The following RRP1B variants were observed in gnomAD, a reference collection of about 807,000 sequenced individuals.
RRP1B encodes the protein ribosomal RNA processing 1B.
Under a neutral mutation model 80.2 loss-of-function variants are expected in RRP1B, and 56 were observed. That is an observed-to-expected ratio of 0.70 (90% CI 0.56 to 0.87). The LOEUF is 0.87. RRP1B is among the 40% of genes least tolerant of loss of function. RRP1B has a pLI of 0.00. For missense variants in RRP1B, 807 were observed against 939.8 expected, an observed-to-expected ratio of 0.86 and a Z score of 1.85; for synonymous variants, 351 against 357.6, an observed-to-expected ratio of 0.98 and a Z score of 0.21.
In RRP1B at chr21:43,693,125, C is replaced by CT; in HGVS notation, c.2084-64dup. The stretch of plus-strand genomic sequence containing the variant: ...GGTCGGCACCCAGGCAGGACGCTGT[C>CT]TAAGGTGTTGAAGGGACAGCTGTCG... On this transcript the variant is annotated intron_variant, in intron 15 of 15. Coordinates refer to ENST00000340648, the MANE Select transcript of RRP1B (RefSeq NM_015056.3). This position sits in a 1 kb window ranked among gnomAD's most constrained non-coding sequence, Gnocchi z 4.1. 1 of 1,562,140 alleles carries CT rather than the reference C, an allele frequency of 6.4e-7. No homozygotes were observed. The highest frequency in any genetic ancestry group is 8.8e-7 in the Non-Finnish European group (1 of 1,138,958).
Position 43,691,106 on chromosome 21 carries a change from C to G in RRP1B, c.2020-333C>G, listed in dbSNP as rs1477338798. ...TTTTAGGACAGTTCAGGCATCCTCT[C>G]TGTTTGCCTTTCTTCCCTGGATCGT... On this transcript the variant is annotated intron_variant, in intron 14 of 15. Coordinates refer to ENST00000340648, the MANE Select transcript of RRP1B (RefSeq NM_015056.3). This position sits in a 1 kb window ranked among gnomAD's most constrained non-coding sequence, Gnocchi z 4.2. Among the ~76,000 whole-genome samples, 1 of 152,232 alleles carries G rather than the reference C, an allele frequency of 6.6e-6. No individual in the cohort carries two copies. Among genetic ancestry groups the G allele is most frequent in the Admixed American group, 6.5e-5 (1 of 15,282 alleles).
rs768318762 is a variant in RRP1B, at chr21:43,691,334, G to T, written c.2020-105G>T. Reference sequence around the variant, plus strand: ...TATATGTGCCACTCAGTAAGCAGCAGTGTGGGCGGCATACCCTCCAGGGCA... The same window carrying T: ...TATATGTGCCACTCAGTAAGCAGCATTGTGGGCGGCATACCCTCCAGGGCA... On this transcript the variant is annotated intron_variant, in intron 14 of 15. Coordinates refer to ENST00000340648, the MANE Select transcript of RRP1B (RefSeq NM_015056.3). The surrounding 1 kb of genome is among the most constrained non-coding windows in gnomAD (Gnocchi z 4.2). The T allele has an allele frequency of 1.2e-5, 12 of 1,000,442 alleles. No individual in the cohort carries two copies. The highest frequency in any genetic ancestry group is 1.9e-5 in the Admixed American group (1 of 51,314). 62.0% of individuals were successfully genotyped at this position (1,000,442 alleles called of 1,614,324 possible). A position where few individuals can be genotyped will look rare whatever the true frequency, so the allele number is the denominator to read the frequency against.
chr21:43,669,195 CACCG>C (rs1379274290), intron 1 of RRP1B, among the ~76,000 whole-genome samples: 11 of 151,900 alleles, frequency 7.2e-5, no homozygotes, highest in Non-Finnish European at 1.5e-4. Flanking sequence ...AGTAAATGAT[CACCG>C]TTGCAGGGAG....
chr21:43,671,130 G>A (rs2082997801), intron 2 of RRP1B, among the ~76,000 whole-genome samples: 1 of 152,214 alleles, frequency 6.6e-6, no homozygotes, highest in South Asian at 2.1e-4. Context: ...AGAAGAGAGG[G>A]CGTCTCCCCA....
chr21:43,670,876 TGTGCAGCCTTGCCACTTCTCCC>T (rs1447298968), intron 2 of RRP1B, among the ~76,000 whole-genome samples: 1 of 152,242 alleles, frequency 6.6e-6, no homozygotes, highest in East Asian at 1.9e-4. Context: ...TGGGTTTTAA[TGTGCAGCCTTGCCACTTCTCCC>T]GTGCTGCGTA....
intron 3 of RRP1B, 49 bp downstream of exon 3, chr21:43,672,414 A>G (rs1231988492): frequency 1.4e-6 from 2 of 1,474,018 alleles, no homozygotes; most frequent in South Asian, 2.3e-5. Flanking sequence ...CCGACTTGCT[A>G]GTTTAATGGG....
chr21:43,670,264 A>G (rs1229104276), intron 2 of RRP1B, among the ~76,000 whole-genome samples: 2 of 152,202 alleles, frequency 1.3e-5, no homozygotes, highest in African/African-American at 4.8e-5. Context: ...CTCTTCTGGT[A>G]AGTTTATTTT....
At chr21:43,676,639 G>T in intron 7 of RRP1B, 94 bp from the exon 8 acceptor site, 1 of 1,201,786 alleles carries the variant, frequency 8.3e-7, no homozygotes, top group Non-Finnish European at 1.2e-6. Context: ...CCAGACCACA[G>T]CAACGTGTGC....
chr21:43,686,391 A>G (rs957406785), intron 11 of RRP1B: 3 of 172,178 alleles, frequency 1.7e-5, no homozygotes, highest in African/African-American at 7.1e-5. Flanking sequence ...GATCCCTTTC[A>G]TTTGCTCTTA....
chr21:43,669,934 T>C lies in RRP1B; in HGVS notation c.181T>C (p.Cys61Arg). 6.2e-7 allele frequency: 1 copy of C among 1,613,172 alleles called. No homozygotes were observed. Among genetic ancestry groups the C allele is most frequent in the South Asian group, 1.1e-5 (1 of 90,990 alleles). ...GAAAATCTGGAAGGGGCTCTTCTAC[T>C]GCATGTGGGTGCAGGATGAACCCCT... ...LLKIWKGLFYCMWVQDEPLLQ... is the reference protein window; with the variant it reads ...LLKIWKGLFYRMWVQDEPLLQ... The change falls in exon 2 of 16, where the codon TGC (cysteine) becomes CGC (arginine). Residue 61 changes from cysteine (C) to arginine (R), a missense_variant. Transcript: ENST00000340648.
Position 43,676,318 on chromosome 21 carries a change from T to C in RRP1B, c.596T>C (p.Ile199Thr). Residue 199 changes from isoleucine to threonine, a missense_variant, in exon 7 of 16, where the codon ATT becomes ACT. By Grantham distance (89) the Ile-to-Thr change is moderately conservative. Coordinates refer to ENST00000340648, the MANE Select transcript of RRP1B (RefSeq NM_015056.3). The part of the protein sequence containing the change: ...NLKFIDPFCK[I>T]AAKTKDHTLV... ...AAGTTTATCGATCCATTCTGCAAAA[T>C]TGCTGCGAAGACGAAGGAGTAAGTG... is the stretch of plus-strand genomic sequence containing the variant. The C allele has an allele frequency of 6.2e-7, 1 of 1,613,142 alleles. No homozygotes were observed. The highest frequency in any genetic ancestry group is 1.1e-5 in the South Asian group (1 of 91,008).
At chr21:43,684,479 T>G in intron 9 of RRP1B, 74 bp from the exon 10 acceptor site, 1 of 1,266,764 alleles carries the variant, frequency 7.9e-7, no homozygotes, top group Non-Finnish European at 1.2e-6. Context: ...TTTCTCTTAC[T>G]AGCAGATGTA....
rs543916679 is a variant in RRP1B at position 43,695,702 on chromosome 21, T to C, written c.*2319T>C. The C allele has an allele frequency of 6.6e-4, 100 of 152,380 alleles. No individual in the cohort carries two copies. Among genetic ancestry groups the C allele is most frequent in the Non-Finnish European group, 1.1e-3 (76 of 68,044 alleles). 9.4% of individuals were successfully genotyped at this position (152,380 alleles called of 1,614,324 possible). On this transcript the variant is annotated 3_prime_UTR_variant, in exon 16 of 16. Coordinates refer to ENST00000340648, the MANE Select transcript of RRP1B (RefSeq NM_015056.3). ...CCTAAGTAAAATTGCCAAGTGGACTTGGAAGTCCAGAAAGGAAAATAATTT... is the reference window on the plus strand; with the variant it reads ...CCTAAGTAAAATTGCCAAGTGGACTCGGAAGTCCAGAAAGGAAAATAATTT...
chr21:43,671,602 G>A (rs1383159825), intron 2 of RRP1B, among the ~76,000 whole-genome samples: 4 of 151,852 alleles, frequency 2.6e-5, no homozygotes, highest in African/African-American at 9.7e-5. Context: ...TCCTGGACTC[G>A]AGCGATCCAC....
In RRP1B at chr21:43,676,231, G is replaced by T. The variant is rs573181721; in HGVS notation, c.550-41G>T. 141 of 1,439,276 alleles carry T rather than the reference G, an allele frequency of 9.8e-5. 2 individuals carry two copies. In the South Asian group the frequency reaches 1.6e-3, roughly 16 times the overall value. 89.2% of individuals were successfully genotyped at this position (1,439,276 alleles called of 1,614,324 possible). A position where few individuals can be genotyped will look rare whatever the true frequency, so the allele number is the denominator to read the frequency against. On this transcript the variant is annotated intron_variant, in intron 6 of 15. Transcript: ENST00000340648. ...CTTTTTCAAGGACATGTCAAGAAGG[G>T]AAAGGCTCTTTCTCAATTTTTCCCT...
At chr21:43,670,512 A>T (rs1198363911) in intron 2 of RRP1B, among the ~76,000 whole-genome samples, 1 of 152,232 alleles carries the variant, frequency 6.6e-6, no homozygotes, top group African/African-American at 2.4e-5. Context: ...AACACTAAAG[A>T]TGTGACTTTC....
chr21:43,676,618 TG>T (rs1367016120), intron 7 of RRP1B, 114 bp from the exon 8 acceptor site: 24 of 975,426 alleles, frequency 2.5e-5, no homozygotes, highest in Non-Finnish European at 3.5e-5. Context: ...TGCTGGCCCG[TG>T]GGGGCCACTC....
rs2251253 is a variant in RRP1B, at chr21:43,672,376, T to A, written c.271+11T>A. The A allele has an allele frequency of 0.6, 967,668 of 1,609,876 alleles. 295,520 individuals carry two copies. The highest frequency in any genetic ancestry group is 0.81 in the East Asian group (36,222 of 44,844). ...ACAACTCAGCGGCTCGTAAGTCCTG[T>A]TGTTTCTTCTCCTTCCTTCCAAGTT... is the stretch of plus-strand genomic sequence containing the variant. On this transcript the variant is annotated intron_variant, in intron 3 of 15. Transcript: ENST00000340648.
intron 4 of RRP1B, 89 bp downstream of exon 4, chr21:43,674,044 C>T: frequency 1.1e-6 from 1 of 934,190 alleles, no homozygotes; most frequent in Non-Finnish European, 1.6e-6. Flanking sequence ...ATTTGTGAAG[C>T]AAAACAAGCC....
Sources: allele counts gnomAD v4.1 joint callset (sites outside exome capture counted in the v4.1 genomes callset), GRCh38; gene constraint gnomAD v4.1.1; non-coding constraint Gnocchi (gnomAD v3.1); transcripts MANE v1.5; gene names NCBI Gene and HGNC (gene_info 2026-07-23, HGNC 2026-07-21).